KCNH7: variants seen among roughly 807,000 people sequenced by gnomAD.
KCNH7 encodes potassium voltage-gated channel subfamily H member 7, also known as voltage-gated inwardly rectifying potassium channel KCNH7.
KCNH7 carries 49 observed loss-of-function variants against 120.8 expected under a neutral mutation model. The ratio of observed to expected loss-of-function variants is 0.41; its 90% CI spans 0.32 to 0.51. The LOEUF is 0.51. Among genes scored for constraint, KCNH7 ranks in the 20% least tolerant of loss-of-function variants. The pLI is 0.38. For synonymous variants in KCNH7, 547 were observed against 516.1 expected (o/e 1.06, Z -0.81); for missense variants, 1,097 against 1,446.6 (o/e 0.76, Z 3.92).
chr2:162,667,392 A>G (rs1194123972), intron 2 of KCNH7, among the ~76,000 whole-genome samples: 1 of 152,132 alleles, frequency 6.6e-6, no homozygotes, highest in African/African-American at 2.4e-5. Flanking sequence ...ACTCCCATGT[A>G]TAAAGCACTC....
rs1206038410 is a variant in KCNH7 at position 162,394,453 on chromosome 2, A to G, written c.2646T>C (p.Asp882=). Residue 882 remains aspartate, a synonymous_variant, in exon 12 of 16, where the codon GAT becomes GAC. Transcript: ENST00000332142. The part of the protein sequence containing the change: ...ADLLRSQSMN[D]SEGDNCKLRR... ...TTAGTTTACAGTTGTCTCCTTCTGA[A>G]TCATTCATGGATTGTGATCGTAGGA... The G allele has an allele frequency of 6.2e-7, 1 of 1,606,882 alleles. No homozygotes were observed. Among genetic ancestry groups the G allele is most frequent in the Non-Finnish European group, 8.5e-7 (1 of 1,174,350 alleles).
At chr2:162,546,602 A>G (rs751182174) in intron 2 of KCNH7, among the ~76,000 whole-genome samples, 11 of 152,304 alleles carry the variant, frequency 7.2e-5, no homozygotes, top group African/African-American at 2.4e-4. Context: ...GAGGCTGTGA[A>G]TGGTGACATG....
At position 162,746,028 on chromosome 2, in the gene KCNH7, A is replaced by G. The variant is rs570782424; in HGVS notation, c.307+90509T>C. Among the ~76,000 whole-genome samples, 16 of 152,198 alleles carry G rather than the reference A, an allele frequency of 1.1e-4. No homozygotes were observed. In the South Asian group the frequency reaches 3.3e-3, roughly 32 times the overall value. On this transcript the variant is annotated intron_variant, in intron 2 of 15. Coordinates refer to ENST00000332142, the MANE Select transcript of KCNH7 (RefSeq NM_033272.4). ...ACATATGAAGAATTTGCAAAATGAAACTAATAAACTTTATTTATTATAAAT... is the reference window on the plus strand; with the variant it reads ...ACATATGAAGAATTTGCAAAATGAAGCTAATAAACTTTATTTATTATAAAT...
At chr2:162,654,091 A>AT (rs201629891) in intron 2 of KCNH7, among the ~76,000 whole-genome samples, 33,816 of 146,378 alleles carry the variant, frequency 0.23, 6,007 homozygotes, top group African/African-American at 0.49. Flanking sequence ...GTGAGCAATG[A>AT]TTTTTTTTTT....
chr2:162,398,095 A>C (rs1451391808), intron 10 of KCNH7, among the ~76,000 whole-genome samples: 1 of 151,870 alleles, frequency 6.6e-6, no homozygotes, highest in Non-Finnish European at 1.5e-5. Context: ...TACTTAATAC[A>C]TACTGATATA....
chr2:162,794,046 A>T (rs933735231), intron 2 of KCNH7, among the ~76,000 whole-genome samples: 15 of 152,038 alleles, frequency 9.9e-5, no homozygotes, highest in Non-Finnish European at 2.2e-4. Flanking sequence ...TCACAACTTA[A>T]ATATATACAA....
At chr2:162,792,379 T>C (rs1306469290) in intron 2 of KCNH7, among the ~76,000 whole-genome samples, 2 of 152,084 alleles carry the variant, frequency 1.3e-5, no homozygotes, top group Non-Finnish European at 1.5e-5. Flanking sequence ...TCTTCATACA[T>C]CTGGCAGAAT....
At chr2:162,567,333 CA>C (rs1426269641) in intron 2 of KCNH7, among the ~76,000 whole-genome samples, 3 of 151,896 alleles carry the variant, frequency 2.0e-5, no homozygotes, top group Non-Finnish European at 4.4e-5. Flanking sequence ...AATAACAGTC[CA>C]AAAGCCATTT....
chr2:162,422,633 A>G (rs920667313), intron 9 of KCNH7, among the ~76,000 whole-genome samples: 1 of 152,098 alleles, frequency 6.6e-6, no homozygotes, highest in Non-Finnish European at 1.5e-5. Flanking sequence ...CAACATTAAT[A>G]TTATTAATAG....
chr2:162,819,721 A>G (rs546107332), intron 2 of KCNH7, among the ~76,000 whole-genome samples: 1 of 152,284 alleles, frequency 6.6e-6, no homozygotes, highest in African/African-American at 2.4e-5. Flanking sequence ...TTTCCCTAGA[A>G]TAAAGAGTTG....
At chr2:162,832,714 T>C (rs1346650297) in intron 2 of KCNH7, among the ~76,000 whole-genome samples, 2 of 151,986 alleles carry the variant, frequency 1.3e-5, no homozygotes, top group African/African-American at 4.8e-5. Context: ...GTACATTACA[T>C]GAGAGAGAGA....
At chr2:162,381,774 C>A (rs754204569) in intron 13 of KCNH7, among the ~76,000 whole-genome samples, 31 of 151,930 alleles carry the variant, frequency 2.0e-4, no homozygotes, top group Non-Finnish European at 3.5e-4. Context: ...TATAAGTGAA[C>A]CTAAAAAGAT....
chr2:162,433,602 A>G (rs1247123790), intron 8 of KCNH7, among the ~76,000 whole-genome samples: 1 of 152,064 alleles, frequency 6.6e-6, no homozygotes, highest in Non-Finnish European at 1.5e-5. Context: ...CTGGACCCCT[A>G]TCTTTCACCA....
intron 2 of KCNH7, among the ~76,000 whole-genome samples, chr2:162,691,242 T>A (rs11684348): frequency 0.14 from 20,756 of 152,188 alleles, 1,629 homozygotes; most frequent in East Asian, 0.34. Flanking sequence ...TCCTCTGAAT[T>A]GTTCTGAATA....
intron 6 of KCNH7, among the ~76,000 whole-genome samples, chr2:162,451,076 A>G (rs538600895): frequency 5.9e-5 from 9 of 152,158 alleles, no homozygotes; most frequent in Admixed American, 1.3e-4. Flanking sequence ...TAAATTCTAC[A>G]ATCTGGGTTT....
intron 2 of KCNH7, among the ~76,000 whole-genome samples, chr2:162,559,735 G>A (rs76003993): frequency 0.055 from 8,379 of 152,276 alleles, 277 homozygotes; most frequent in Middle Eastern, 0.092. Flanking sequence ...CATTGATGGG[G>A]TAAGGTGGTC....
In KCNH7 at chr2:162,478,993, C is replaced by A. The variant is rs556414597; in HGVS notation, c.1128+25450G>T. ...AACGGATCCAAATAAAACATACGGGCAATTTTTATTTTAAAGCTTCAGATC... is the reference window on the plus strand; with the variant it reads ...AACGGATCCAAATAAAACATACGGGAAATTTTTATTTTAAAGCTTCAGATC... On this transcript the variant is annotated intron_variant, in intron 6 of 15. Coordinates refer to ENST00000332142, the MANE Select transcript of KCNH7 (RefSeq NM_033272.4). Among the ~76,000 whole-genome samples the A allele has an allele frequency of 9.9e-5, 15 of 152,024 alleles. No individual in the cohort carries two copies. In the East Asian group the frequency reaches 2.1e-3, roughly 22 times the overall value.
At chr2:162,435,102 G>C (rs1172891075) in intron 8 of KCNH7, 96 bp downstream of exon 8, 13 of 1,167,660 alleles carry the variant, frequency 1.1e-5, no homozygotes, top group Non-Finnish European at 1.3e-5. Context: ...TCAATTTTCT[G>C]TAATCTTTTT....
At chr2:162,668,658 G>A (rs1230210181) in intron 2 of KCNH7, among the ~76,000 whole-genome samples, 1 of 152,000 alleles carries the variant, frequency 6.6e-6, no homozygotes, top group African/African-American at 2.4e-5. Context: ...CCTAGATAAA[G>A]TTATATTGAC....
Sources: gnomAD v4.1 joint callset for allele counts (sites outside exome capture counted in the v4.1 genomes callset) on GRCh38, gnomAD v4.1.1 for gene constraint, MANE v1.5 for transcripts, NCBI Gene and HGNC (gene_info 2026-07-23, HGNC 2026-07-21) for gene names.